Variants in SGCZ observed in about 807,000 individuals in gnomAD.
SGCZ encodes the protein sarcoglycan zeta, also known as zeta-sarcoglycan.
SGCZ carries 40 observed loss-of-function variants against 41.3 expected under a neutral mutation model. The ratio of observed to expected loss-of-function variants is 0.97; its 90% CI spans 0.75 to 1.26. SGCZ has a LOEUF of 1.26. Ranked by LOEUF, SGCZ falls within the 50% of genes most tolerant of loss-of-function variation. SGCZ has a pLI of 0.00. For synonymous variants in SGCZ, 206 were observed against 137.5 expected, an observed-to-expected ratio of 1.50 and a Z score of -3.49; for missense variants, 552 against 369.8, an observed-to-expected ratio of 1.49 and a Z score of -4.04.
intron 1 of SGCZ, among the ~76,000 whole-genome samples, chr8:15,218,950 A>T (rs555363215): frequency 6.6e-6 from 1 of 152,312 alleles, no homozygotes; most frequent in African/African-American, 2.4e-5. Flanking sequence ...ATGTGGTGCC[A>T]AAGCTGAACA....
At chr8:14,626,080 A>T (rs984840978) in intron 1 of SGCZ, among the ~76,000 whole-genome samples, 1 of 152,184 alleles carries the variant, frequency 6.6e-6, no homozygotes, top group Admixed American at 6.5e-5. Flanking sequence ...GGAGTCCACA[A>T]AATGTCAAAT....
chr8:14,273,824 T>G (rs549924004), intron 3 of SGCZ, among the ~76,000 whole-genome samples: 1 of 152,264 alleles, frequency 6.6e-6, no homozygotes, highest in South Asian at 2.1e-4. Context: ...ACAAAATATT[T>G]TATATTTTAT....
rs1802014651 is a variant in SGCZ at position 14,324,091 on chromosome 8, A to G, written c.336+12T>C. Reference sequence around the variant, plus strand: ...TTATCTTTTAGAGTAAGCCAAAGCCAGTATCACATACCTTTCGAGAATGAA... The same window carrying G: ...TTATCTTTTAGAGTAAGCCAAAGCCGGTATCACATACCTTTCGAGAATGAA... On this transcript the variant is annotated intron_variant, in intron 3 of 7. Coordinates refer to ENST00000382080, the MANE Select transcript of SGCZ (RefSeq NM_139167.4). The G allele has an allele frequency of 6.4e-7, 1 of 1,571,090 alleles. No homozygotes were observed. Among genetic ancestry groups the G allele is most frequent in the Non-Finnish European group, 8.8e-7 (1 of 1,142,626 alleles).
At chr8:15,151,509 G>A (rs1311096353) in intron 1 of SGCZ, among the ~76,000 whole-genome samples, 5 of 152,196 alleles carry the variant, frequency 3.3e-5, no homozygotes, top group Non-Finnish European at 7.3e-5. Flanking sequence ...GGTTGAAAAT[G>A]TGAAAGGCCT....
intron 2 of SGCZ, among the ~76,000 whole-genome samples, chr8:14,331,021 A>G (rs898822377): frequency 4.6e-5 from 7 of 151,946 alleles, no homozygotes; most frequent in Non-Finnish European, 8.8e-5. Flanking sequence ...TTCAATAGGA[A>G]GGAAGGTAGA....
intron 3 of SGCZ, among the ~76,000 whole-genome samples, chr8:14,289,233 T>C (rs1007853396): frequency 6.6e-6 from 1 of 150,478 alleles, no homozygotes; most frequent in African/African-American, 2.4e-5. Flanking sequence ...TTTTTTACTT[T>C]CTTGATACTG....
intron 1 of SGCZ, among the ~76,000 whole-genome samples, chr8:14,861,345 G>C (rs1399302221): frequency 6.6e-6 from 1 of 152,112 alleles, no homozygotes; most frequent in Non-Finnish European, 1.5e-5. Flanking sequence ...GAGAGTGTTG[G>C]TGGAATGCAC....
intron 2 of SGCZ, among the ~76,000 whole-genome samples, chr8:14,456,558 C>T (rs973910357): frequency 2.6e-5 from 4 of 151,892 alleles, no homozygotes; most frequent in African/African-American, 9.7e-5. Context: ...ACCAAAGAAA[C>T]ACAAGGAGGA....
At chr8:15,028,071 A>G (rs150602395) in intron 1 of SGCZ, among the ~76,000 whole-genome samples, 160 of 152,172 alleles carry the variant, frequency 1.1e-3, no homozygotes, top group African/African-American at 3.7e-3. Flanking sequence ...CCGCATTCAC[A>G]CACTCCTCAA....
At chr8:14,143,018 A>G (rs942669552) in intron 5 of SGCZ, among the ~76,000 whole-genome samples, 2 of 151,588 alleles carry the variant, frequency 1.3e-5, no homozygotes, top group African/African-American at 4.8e-5. Context: ...AAAAAGAATC[A>G]ACCAACATAA....
chr8:14,490,956 T>C (rs1801824742), intron 2 of SGCZ, among the ~76,000 whole-genome samples: 1 of 152,244 alleles, frequency 6.6e-6, no homozygotes, highest in Non-Finnish European at 1.5e-5. Context: ...CTTAGTTTTA[T>C]ATACCGATAT....
At chr8:14,740,813 C>A (rs1799178515) in intron 1 of SGCZ, among the ~76,000 whole-genome samples, 1 of 151,702 alleles carries the variant, frequency 6.6e-6, no homozygotes, top group Admixed American at 6.6e-5. Flanking sequence ...GTTATCTTTG[C>A]AAAAAAACAG....
Position 14,554,894 on chromosome 8 carries a change from T to G in SGCZ, c.72A>C (p.Gln24His). The G allele has an allele frequency of 6.2e-7, 1 of 1,612,830 alleles. No individual in the cohort carries two copies. The highest frequency in any genetic ancestry group is 8.5e-7 in the Non-Finnish European group (1 of 1,179,336). ...TCTCAGTCCTTGGCAGGTTATTCTG[T>G]TGGGTTGCTAGTATGTATTGTTCTC... The part of the protein sequence containing the change: ...MTREQYILAT[Q>H]QNNLPRTENA... Residue 24 changes from glutamine to histidine, a missense_variant, in exon 2 of 8, where the codon CAA becomes CAC. Coordinates refer to ENST00000382080, the MANE Select transcript of SGCZ (RefSeq NM_139167.4).
At chr8:14,237,146 G>A in intron 4 of SGCZ, among the ~76,000 whole-genome samples, 1 of 152,036 alleles carries the variant, frequency 6.6e-6, no homozygotes, top group East Asian at 1.9e-4. Flanking sequence ...TTTAACATAT[G>A]CTATGAAAAT....
chr8:14,715,705 A>G (rs576787964), intron 1 of SGCZ, among the ~76,000 whole-genome samples: 1 of 152,300 alleles, frequency 6.6e-6, no homozygotes, highest in South Asian at 2.1e-4. Context: ...CAGAAAATTT[A>G]GATTAACGTC....
chr8:14,248,452 G>T (rs1426249728), intron 3 of SGCZ, among the ~76,000 whole-genome samples: 1 of 152,112 alleles, frequency 6.6e-6, no homozygotes, highest in East Asian at 1.9e-4. Flanking sequence ...TATCATGAAT[G>T]ATGAAAACTA....
At chr8:14,110,686 ATAATCT>A (rs1374506285) in intron 5 of SGCZ, among the ~76,000 whole-genome samples, 2 of 152,200 alleles carry the variant, frequency 1.3e-5, no homozygotes, top group African/African-American at 4.8e-5. Flanking sequence ...AGCAACACAG[ATAATCT>A]TAAAGGAAAT....
intron 3 of SGCZ, among the ~76,000 whole-genome samples, chr8:14,288,304 T>G (rs1235692300): frequency 1.3e-5 from 2 of 152,140 alleles, no homozygotes; most frequent in African/African-American, 4.8e-5. Flanking sequence ...TACCCTAGAA[T>G]AATTTTAAAG....
intron 2 of SGCZ, among the ~76,000 whole-genome samples, chr8:14,436,046 G>A (rs941587993): frequency 2.0e-5 from 3 of 152,188 alleles, no homozygotes; most frequent in African/African-American, 4.8e-5. Context: ...TCCTAACCCT[G>A]ACCTATAGCC....
Sources: allele counts gnomAD v4.1 joint callset (sites outside exome capture counted in the v4.1 genomes callset), GRCh38; gene constraint gnomAD v4.1.1; transcripts MANE v1.5; gene names NCBI Gene and HGNC (gene_info 2026-07-23, HGNC 2026-07-21).